The following CSMD1 variants were observed in gnomAD, a reference collection of about 807,000 sequenced individuals.
The protein encoded by CSMD1 is CUB and sushi domain-containing protein 1.
A neutral mutation model predicts 417.5 loss-of-function variants in CSMD1; 213 were observed. The ratio of observed to expected loss-of-function variants is 0.51; its 90% CI spans 0.46 to 0.57. The LOEUF (loss-of-function observed/expected upper bound fraction) is 0.57, where lower values mean the gene tolerates loss of function less well. CSMD1 is among the 20% of genes least tolerant of loss of function. CSMD1 has a pLI of 0.00. For missense variants in CSMD1, 6,923 were observed against 4,529.7 expected (o/e 1.53, Z -15.17); for synonymous variants, 2,862 against 1,736.8 (o/e 1.65, Z -16.11).
chr8:4,329,848 TTACA>T (rs1799768465), intron 3 of CSMD1, among the ~76,000 whole-genome samples: 1 of 42,772 alleles, frequency 2.3e-5, no homozygotes, highest in Non-Finnish European at 5.0e-5. Flanking sequence ...ACCACCCTGC[TTACA>T]CACACACACA....
chr8:4,656,512 G>C (rs997767075), intron 1 of CSMD1, among the ~76,000 whole-genome samples: 16 of 151,702 alleles, frequency 1.1e-4, no homozygotes, highest in African/African-American at 2.7e-4. Context: ...CCATCTTGCA[G>C]GGATTCTGAC....
rs558910486 is a variant in CSMD1, at chr8:3,281,024, T to C, written c.4153+3120A>G. On this transcript the variant is annotated intron_variant, in intron 26 of 69. Transcript: ENST00000635120. ...TCCACATAATCCATGAACCCTCTTCTTAGGTATCTAGTCAGGTGAACTGAA... is the reference window on the plus strand; with the variant it reads ...TCCACATAATCCATGAACCCTCTTCCTAGGTATCTAGTCAGGTGAACTGAA... Among the ~76,000 whole-genome samples, 19 of 152,300 alleles carry C rather than the reference T, an allele frequency of 1.2e-4. No homozygotes were observed. The East Asian group carries it at 3.1e-3, about 25-fold the overall frequency.
chr8:4,263,878 G>A (rs1054280765), intron 3 of CSMD1, among the ~76,000 whole-genome samples: 1 of 152,108 alleles, frequency 6.6e-6, no homozygotes, highest in Non-Finnish European at 1.5e-5. Context: ...TGACCAGAAT[G>A]CTCAGAACAA....
chr8:3,024,440 G>T (rs550591052), intron 51 of CSMD1, among the ~76,000 whole-genome samples: 2 of 151,880 alleles, frequency 1.3e-5, no homozygotes, highest in Non-Finnish European at 2.9e-5. Flanking sequence ...CAAGTAGCTG[G>T]GATCACAGGT....
chr8:4,449,840 G>C (rs1185624827), intron 2 of CSMD1, among the ~76,000 whole-genome samples: 1 of 152,156 alleles, frequency 6.6e-6, no homozygotes, highest in Non-Finnish European at 1.5e-5. Context: ...CCCTATCTCA[G>C]TAAATGACTT....
At chr8:4,822,094 T>A (rs1315258092) in intron 1 of CSMD1, among the ~76,000 whole-genome samples, 1 of 152,042 alleles carries the variant, frequency 6.6e-6, no homozygotes, top group African/African-American at 2.4e-5. Context: ...GTAAAAAAAT[T>A]ACCAGAACAT....
At chr8:4,192,550 A>G (rs1000489142) in intron 3 of CSMD1, among the ~76,000 whole-genome samples, 2 of 152,186 alleles carry the variant, frequency 1.3e-5, no homozygotes, top group Non-Finnish European at 2.9e-5. Context: ...GCTTTTATCT[A>G]CATCAGCACC....
intron 3 of CSMD1, among the ~76,000 whole-genome samples, chr8:4,375,729 T>A (rs1210684910): frequency 6.6e-6 from 1 of 152,150 alleles, no homozygotes; most frequent in Non-Finnish European, 1.5e-5. Flanking sequence ...TCCTCCTCAC[T>A]TCCCGACTGC....
chr8:3,556,666 G>A lies in CSMD1; in HGVS notation c.1344+18279C>T, dbSNP rs140461591. On this transcript the variant is annotated intron_variant, in intron 10 of 69. Transcript: ENST00000635120. ...GTGCCACCTGTTAACGAGGATAATG[G>A]TAATTGCGTCTCTCTACTGTAAGCA... 4.4e-3 allele frequency among the ~76,000 whole-genome samples: 674 copies of A among 151,800 alleles called. 6 individuals carry two copies. The highest frequency in any genetic ancestry group is 6.4e-3 in the Non-Finnish European group (432 of 67,976).
At chr8:4,130,729 C>G (rs1247215340) in intron 3 of CSMD1, among the ~76,000 whole-genome samples, 2 of 49,038 alleles carry the variant, frequency 4.1e-5, no homozygotes, top group Non-Finnish European at 4.4e-5. Context: ...AGTATTTTGT[C>G]TATCAACTCA....
At chr8:4,617,539 G>A (rs1373128154) in intron 2 of CSMD1, among the ~76,000 whole-genome samples, 1 of 152,094 alleles carries the variant, frequency 6.6e-6, no homozygotes, top group Non-Finnish European at 1.5e-5. Context: ...TCTGGATTTG[G>A]CTTCTGATTC....
intron 1 of CSMD1, among the ~76,000 whole-genome samples, chr8:4,902,893 T>C (rs1198090533): frequency 1.3e-5 from 2 of 151,570 alleles, no homozygotes; most frequent in East Asian, 3.9e-4. Flanking sequence ...ACTGCATGTA[T>C]ATTTTTACAC....
At chr8:4,766,386 C>G (rs990029693) in intron 1 of CSMD1, among the ~76,000 whole-genome samples, 1 of 152,228 alleles carries the variant, frequency 6.6e-6, no homozygotes, top group South Asian at 2.1e-4. Flanking sequence ...GTGGATTGAA[C>G]GAGAACATCG....
chr8:3,407,460 GAAGA>G (rs1441329429), intron 14 of CSMD1, among the ~76,000 whole-genome samples: 1 of 152,016 alleles, frequency 6.6e-6, no homozygotes, highest in African/African-American at 2.4e-5. Flanking sequence ...AAGATGGATG[GAAGA>G]AAGGATGGAT....
chr8:4,353,815 C>G (rs571176951), intron 3 of CSMD1, among the ~76,000 whole-genome samples: 1 of 152,134 alleles, frequency 6.6e-6, no homozygotes, highest in Non-Finnish European at 1.5e-5. Context: ...ATCATTAAAA[C>G]CAGTGTTCTT....
intron 1 of CSMD1, among the ~76,000 whole-genome samples, chr8:4,698,489 C>T (rs190423986): frequency 1.3e-5 from 2 of 152,148 alleles, no homozygotes; most frequent in East Asian, 1.9e-4. Flanking sequence ...GGATAGAAAA[C>T]CAGCTCAGGT....
intron 1 of CSMD1, among the ~76,000 whole-genome samples, chr8:4,853,333 G>A (rs1343234135): frequency 6.6e-6 from 1 of 152,174 alleles, no homozygotes; most frequent in African/African-American, 2.4e-5. Flanking sequence ...GGAATGCAAG[G>A]TGGCTGTTCC....
chr8:4,617,573 C>T (rs891363584), intron 2 of CSMD1, among the ~76,000 whole-genome samples: 15 of 152,102 alleles, frequency 9.9e-5, no homozygotes, highest in South Asian at 4.2e-4. Flanking sequence ...CTCTCCTTAT[C>T]GATCCTGAGC....
chr8:4,114,633 T>A (rs1802036856), intron 3 of CSMD1, among the ~76,000 whole-genome samples: 1 of 152,194 alleles, frequency 6.6e-6, no homozygotes. Context: ...TGAAAAACCT[T>A]CTGGAAAGGA....
Sources: gnomAD v4.1 joint callset for allele counts (sites outside exome capture counted in the v4.1 genomes callset) on GRCh38, gnomAD v4.1.1 for gene constraint, MANE v1.5 for transcripts, NCBI Gene and HGNC (gene_info 2026-07-23, HGNC 2026-07-21) for gene names.